FOXP2: variants seen among roughly 807,000 people sequenced by gnomAD.
The protein encoded by FOXP2 is forkhead box P2, also known as forkhead box protein P2.
A neutral mutation model predicts 115.8 loss-of-function variants in FOXP2; 12 were observed. The observed-to-expected ratio is 0.10, with a 90% CI of 0.07 to 0.17. The LOEUF (loss-of-function observed/expected upper bound fraction) is 0.17, where lower values mean the gene tolerates loss of function less well. Ranked by LOEUF, FOXP2 falls within the 10% of genes least tolerant of loss-of-function variation. FOXP2 has a pLI of 1.00. For synonymous variants in FOXP2, 328 were observed against 297.7 expected, an observed-to-expected ratio of 1.10 and a Z score of -1.05; for missense variants, 629 against 843.5, an observed-to-expected ratio of 0.75 and a Z score of 3.15.
chr7:114,489,820 G>A (rs1338357255), intron 2 of FOXP2, among the ~76,000 whole-genome samples: 3 of 152,068 alleles, frequency 2.0e-5, no homozygotes, highest in African/African-American at 7.2e-5. Flanking sequence ...GTAAGTATAT[G>A]AAAAGATGCT....
chr7:114,233,067 A>T (rs1403269671), intron 1 of FOXP2, among the ~76,000 whole-genome samples: 2 of 152,164 alleles, frequency 1.3e-5, no homozygotes, highest in African/African-American at 4.8e-5. Context: ...ATGCAGTATG[A>T]ATACATACTA....
intron 16 of FOXP2, among the ~76,000 whole-genome samples, chr7:114,681,727 G>T (rs866328081): frequency 6.6e-6 from 1 of 152,086 alleles, no homozygotes; most frequent in African/African-American, 2.4e-5. Context: ...AATAACTATA[G>T]CAATATGTTG....
At chr7:114,106,823 G>A (rs1791130156) in intron 1 of FOXP2, among the ~76,000 whole-genome samples, 1 of 151,916 alleles carries the variant, frequency 6.6e-6, no homozygotes, top group African/African-American at 2.4e-5. Context: ...CCCATTTTAA[G>A]ATTGTCTCAG....
intron 2 of FOXP2, among the ~76,000 whole-genome samples, chr7:114,461,590 T>G (rs571856130): frequency 2.6e-5 from 4 of 152,252 alleles, no homozygotes; most frequent in Middle Eastern, 6.8e-3. Flanking sequence ...TTCTCATGAG[T>G]TGCTTTTTGT....
intron 2 of FOXP2, among the ~76,000 whole-genome samples, chr7:114,320,557 A>G (rs530330870): frequency 4.9e-4 from 75 of 152,348 alleles, no homozygotes; most frequent in African/African-American, 1.8e-3. Flanking sequence ...GATCTAAAAC[A>G]TTCTAGTTAT....
chr7:114,663,766 A>AATGCT (rs1458143516), intron 15 of FOXP2, among the ~76,000 whole-genome samples: 1 of 152,142 alleles, frequency 6.6e-6, no homozygotes, highest in Non-Finnish European at 1.5e-5. Context: ...AGATTGATAG[A>AATGCT]AGCTTTTGCA....
chr7:114,093,901 G>A (rs923018200), intron 1 of FOXP2, among the ~76,000 whole-genome samples: 1 of 151,950 alleles, frequency 6.6e-6, no homozygotes, highest in Non-Finnish European at 1.5e-5. Flanking sequence ...AATATTTACC[G>A]AAAGTTAAAC....
At chr7:114,436,101 C>T (rs1257622770) in intron 2 of FOXP2, among the ~76,000 whole-genome samples, 7 of 152,030 alleles carry the variant, frequency 4.6e-5, no homozygotes, top group African/African-American at 1.7e-4. Flanking sequence ...AATCAAACTT[C>T]TTGAGTTCAA....
intron 1 of FOXP2, among the ~76,000 whole-genome samples, chr7:114,267,777 AAAT>A (rs1554358897): frequency 3.5e-5 from 5 of 142,660 alleles, no homozygotes; most frequent in Admixed American, 1.4e-4. Flanking sequence ...ATAAATAAAT[AAAT>A]AAAATAAATA....
intron 2 of FOXP2, among the ~76,000 whole-genome samples, chr7:114,312,485 T>C (rs542959986): frequency 6.6e-6 from 1 of 152,272 alleles, no homozygotes; most frequent in Admixed American, 6.5e-5. Flanking sequence ...AGAGAACCCT[T>C]TTCCTTCCTG....
intron 16 of FOXP2, among the ~76,000 whole-genome samples, chr7:114,675,918 A>T (rs544824538): frequency 4.6e-4 from 69 of 150,652 alleles, no homozygotes; most frequent in Middle Eastern, 3.5e-3. Context: ...TATTATTATT[A>T]TTATTTTTTG....
intron 1 of FOXP2, among the ~76,000 whole-genome samples, chr7:114,177,289 A>G (rs1048124668): frequency 6.6e-6 from 1 of 152,138 alleles, no homozygotes; most frequent in African/African-American, 2.4e-5. Context: ...TGCTTTTATC[A>G]TTAGTAGACA....
intron 1 of FOXP2, among the ~76,000 whole-genome samples, chr7:114,121,081 C>T (rs746430781): frequency 7.9e-5 from 12 of 151,992 alleles, no homozygotes; most frequent in Admixed American, 3.3e-4. Context: ...TGAATGTTTA[C>T]GTTCCTCCAA....
intron 1 of FOXP2, among the ~76,000 whole-genome samples, chr7:114,088,613 A>T (rs2129138558): frequency 6.6e-6 from 1 of 152,382 alleles, no homozygotes; most frequent in African/African-American, 2.4e-5. Flanking sequence ...GATGTGTTTA[A>T]TAGCAAGTCT....
intron 2 of FOXP2, among the ~76,000 whole-genome samples, chr7:114,534,199 TTTAA>T (rs747054760): frequency 2.0e-4 from 31 of 151,924 alleles, no homozygotes. Context: ...ATTTGTCAAA[TTTAA>T]TTACAGCTTC....
At chr7:114,596,449 G>A (rs549256508) in intron 3 of FOXP2, among the ~76,000 whole-genome samples, 1 of 152,148 alleles carries the variant, frequency 6.6e-6, no homozygotes, top group South Asian at 2.1e-4. Flanking sequence ...CCCTGAGAGA[G>A]CTTTCTGAAG....
rs112271094 is a variant in FOXP2, at chr7:114,253,912, T to C, written c.-101-34107T>C. ...TCGATGGTCTTTACAATTTGGCATG[T>C]TTTTGCAGTGGCTGGTACCAGTTTT... On this transcript the variant is annotated intron_variant, in intron 1 of 17. Transcript: ENST00000634411. Among the ~76,000 whole-genome samples, 1,423 of 152,328 alleles carry C rather than the reference T, an allele frequency of 9.3e-3. 31 individuals carry two copies. Among genetic ancestry groups the C allele is most frequent in the African/African-American group, 0.033 (1,356 of 41,570 alleles).
At chr7:114,523,456 C>G (rs187689543) in intron 2 of FOXP2, among the ~76,000 whole-genome samples, 31 of 152,258 alleles carry the variant, frequency 2.0e-4, no homozygotes, top group Non-Finnish European at 4.0e-4. Flanking sequence ...CAGAGGCTAT[C>G]TGCCTCAAGC....
chr7:114,429,899 A>G (rs1333939332), intron 2 of FOXP2, among the ~76,000 whole-genome samples: 4 of 151,728 alleles, frequency 2.6e-5, no homozygotes, highest in African/African-American at 9.7e-5. Context: ...CATTTAATAA[A>G]TAACACCATT....
Sources: allele counts gnomAD v4.1 joint callset (sites outside exome capture counted in the v4.1 genomes callset), GRCh38; gene constraint gnomAD v4.1.1; transcripts MANE v1.5; gene names NCBI Gene and HGNC (gene_info 2026-07-23, HGNC 2026-07-21).